MSLN: variants seen among roughly 807,000 people sequenced by gnomAD.
MSLN encodes mesothelin, also known as CAK1 antigen.
MSLN carries 82 observed loss-of-function variants against 72.6 expected under a neutral mutation model. The ratio of observed to expected loss-of-function variants is 1.13; its 90% CI spans 0.94 to 1.36. The LOEUF is 1.36. Among genes scored for constraint, MSLN ranks in the 40% most tolerant of loss-of-function variants. The pLI, the probability that MSLN is intolerant of heterozygous loss-of-function variation, is 0.00. For missense variants in MSLN, 1,005 were observed against 847.9 expected, an observed-to-expected ratio of 1.19 and a Z score of -2.30; for synonymous variants, 456 against 387.3, an observed-to-expected ratio of 1.18 and a Z score of -2.08.
At chr16:762,959 A>T (rs138591602) in intron 3 of MSLN, among the ~76,000 whole-genome samples, 194 bp downstream of exon 3, 6 of 152,254 alleles carry the variant, frequency 3.9e-5, no homozygotes, top group African/African-American at 1.4e-4. Context: ...CTCAGGACAC[A>T]GTGGGGATGT....
chr16:768,523 G>C lies in MSLN; in HGVS notation c.1741G>C (p.Gly581Arg). The stretch of plus-strand genomic sequence containing the variant: ...CACGCTGGGGCTGGGGCTACAGGGC[G>C]GCATCCCCAACGGCTACCTGGTCCT... ...LDTLGLGLQG[G>R]IPNGYLVLDL... The change falls in exon 17 of 18, where the codon GGC becomes CGC. Residue 581 changes from glycine (G) to arginine (R), a missense_variant. Coordinates refer to ENST00000545450, the MANE Select transcript of MSLN (RefSeq NM_005823.6). 1 of 1,599,868 alleles carries C rather than the reference G, an allele frequency of 6.3e-7. No individual in the cohort carries two copies.
Position 764,005 on chromosome 16 carries a change from G to C in MSLN, c.180-18G>C, listed in dbSNP as rs773192261. 1.3e-6 allele frequency: 2 copies of C among 1,595,682 alleles called. No individual in the cohort carries two copies. Among genetic ancestry groups the C allele is most frequent in the East Asian group, 2.2e-5 (1 of 44,736 alleles). ...GGGGAGGGGCGATCGTGGGTGCCCA[G>C]CCCGACCCTTCCTGCAGCCTCTCCC... On this transcript the variant is annotated intron_variant, in intron 5 of 17. Coordinates refer to ENST00000545450, the MANE Select transcript of MSLN (RefSeq NM_005823.6).
At position 768,455 on chromosome 16, in the gene MSLN, C is replaced by T. The variant is rs151258256; in HGVS notation, c.1673C>T (p.Pro558Leu). 78 of 1,541,582 alleles carry T rather than the reference C, an allele frequency of 5.1e-5. No homozygotes were observed. Among genetic ancestry groups the T allele is most frequent in the African/African-American group, 3.2e-4 (23 of 72,854 alleles). The change falls in exon 17 of 18, where the codon CCG becomes CTG. Residue 558 changes from proline (P) to leucine (L), a missense_variant. Transcript: ENST00000545450. ...CTGAAGGCGGAGGAGCGGCACCGCC[C>T]GGTGCGGGACTGGATCCTACGGCAG... The part of the protein sequence containing the change: ...EGLKAEERHR[P>L]VRDWILRQRQ...
Position 765,116 on chromosome 16 carries a change from C to CG in MSLN, c.522dup (p.Ser175ValfsTer7). On this transcript the variant is annotated frameshift_variant, in exon 9 of 18. Transcript: ENST00000545450. LOFTEE classifies it high-confidence loss of function. The stretch of plus-strand genomic sequence containing the variant: ...GAGGCCAGCCTCTCTGCAGGGTGTG[C>CG]GGGGGTCTCTGCTGAGCGAGGCTGA... 2 of 1,604,158 alleles carry CG rather than the reference C, an allele frequency of 1.2e-6. No homozygotes were observed. Among genetic ancestry groups the CG allele is most frequent in the South Asian group, 1.1e-5 (1 of 90,552 alleles).
chr16:761,982 T>A (rs1041870292), intron 2 of MSLN, among the ~76,000 whole-genome samples: 3 of 152,188 alleles, frequency 2.0e-5, no homozygotes, highest in Non-Finnish European at 2.9e-5. Flanking sequence ...CAATTCTTGT[T>A]CAGGGAGGGT....
intron 4 of MSLN, 69 bp downstream of exon 4, chr16:763,345 C>G: frequency 1.5e-6 from 2 of 1,292,612 alleles, no homozygotes; most frequent in Non-Finnish European, 2.2e-6. Context: ...GCTGTGTTCT[C>G]TCTGTCACGT....
Position 768,372 on chromosome 16 carries a change from C to G in MSLN, c.1597-7C>G, listed in dbSNP as rs373569076. On this transcript the variant is annotated splice_polypyrimidine_tract_variant and splice_region_variant and intron_variant, in intron 16 of 17. Coordinates refer to ENST00000545450, the MANE Select transcript of MSLN (RefSeq NM_005823.6). ...CCTCCTTGATGGCTGCCCGGGGTCTCTGGCAGCCGTTGACTGTGGCTGAGG... is the reference window on the plus strand; with the variant it reads ...CCTCCTTGATGGCTGCCCGGGGTCTGTGGCAGCCGTTGACTGTGGCTGAGG... 4.0e-6 allele frequency: 6 copies of G among 1,502,726 alleles called. No individual in the cohort carries two copies. Among genetic ancestry groups the G allele is most frequent in the Non-Finnish European group, 5.3e-6 (6 of 1,124,514 alleles). The allele number at this position is 1,502,726 out of a possible 1,614,324, so 93.1% of individuals were successfully genotyped here.
At position 762,728 on chromosome 16, in the gene MSLN, CG is replaced by C. The variant is rs1401118788; in HGVS notation, c.49del (p.Ala17ProfsTer61). 6.2e-7 allele frequency: 1 copy of C among 1,604,556 alleles called. No individual in the cohort carries two copies. Among genetic ancestry groups the C allele is most frequent in the African/African-American group, 1.3e-5 (1 of 74,506 alleles). On this transcript the variant is annotated frameshift_variant, in exon 3 of 18. Coordinates refer to ENST00000545450, the MANE Select transcript of MSLN (RefSeq NM_005823.6). LOFTEE classifies it high-confidence loss of function. The stretch of plus-strand genomic sequence containing the variant: ...CCCTGTTGGGGTCCTGTGGGACCCC[CG>C]CCCTCGGCAGCCTCCTGTTCCTGCT... ...RPLLGSCGTP[A>X]LGSLLFLLFS...
Position 764,133 on chromosome 16 carries a change from C to T in MSLN, c.290C>T (p.Ser97Leu), listed in dbSNP as rs1253050026. The change falls in exon 6 of 18, where the codon TCA (serine) becomes TTA (leucine). Residue 97 changes from serine to leucine, a missense_variant. Transcript: ENST00000545450. Reference sequence around the variant, plus strand: ...TTGGCACAGAAGAATGTCAAGCTCTCAACAGAGCAGGTCAGTCTCAGTTGG... The same window carrying T: ...TTGGCACAGAAGAATGTCAAGCTCTTAACAGAGCAGGTCAGTCTCAGTTGG... The part of the protein sequence containing the change: ...VALAQKNVKL[S>L]TEQLRCLAHR... The T allele has an allele frequency of 1.2e-6, 2 of 1,604,582 alleles. No individual in the cohort carries two copies. The highest frequency in any genetic ancestry group is 1.7e-5 in the Admixed American group (1 of 60,002).
Position 763,244 on chromosome 16 carries a change from C to A in MSLN, c.97C>A (p.Pro33Thr), listed in dbSNP as rs1466294207. Reference sequence around the variant, plus strand: ...CTCTGCCCCTTTAGGATGGGTGCAGCCCTCGAGGACCCTGGCTGGAGAGAC... The same window carrying A: ...CTCTGCCCCTTTAGGATGGGTGCAGACCTCGAGGACCCTGGCTGGAGAGAC... Reference protein sequence around the residue: ...FLLFSLGWVQPSRTLAGETGQ... With the variant: ...FLLFSLGWVQTSRTLAGETGQ... Residue 33 changes from proline to threonine, a missense_variant, in exon 4 of 18, where the codon CCC becomes ACC. Pro to Thr is a conservative substitution (Grantham distance 38, BLOSUM62 -1). Coordinates refer to ENST00000545450, the MANE Select transcript of MSLN (RefSeq NM_005823.6). The A allele has an allele frequency of 6.5e-7, 1 of 1,542,740 alleles. No homozygotes were observed. Among genetic ancestry groups the A allele is most frequent in the South Asian group, 1.2e-5 (1 of 82,840 alleles).
At chr16:761,334 A>G (rs1233272498) in intron 2 of MSLN, among the ~76,000 whole-genome samples, 160 bp downstream of exon 2, 3 of 152,322 alleles carry the variant, frequency 2.0e-5, no homozygotes, top group African/African-American at 7.2e-5. Flanking sequence ...ACGCAGACCC[A>G]TTTGTTTGGA....
In MSLN at chr16:767,394, AT is replaced by A. The variant is rs1567359493; in HGVS notation, c.1523del (p.Leu508Ter). On this transcript the variant is annotated frameshift_variant, in exon 16 of 18. Transcript: ENST00000545450. LOFTEE classifies it high-confidence loss of function. Reference protein sequence around the residue: ...QSFLGGAPTEDLKALSQQNVS... With the variant: ...QSFLGGAPTEXLKALSQQNVS... ...CGGGCAGGTGGGGCCCCCACGGAGG[AT>A]TTGAAGGCGCTCAGTCAGCAGAATG... 1 of 1,607,572 alleles carries A rather than the reference AT, an allele frequency of 6.2e-7. No homozygotes were observed. The highest frequency in any genetic ancestry group is 8.5e-7 in the Non-Finnish European group (1 of 1,177,656).
At chr16:763,604 C>G (rs2041563505) in intron 4 of MSLN, 38 bp from the exon 5 acceptor site, 2 of 1,562,472 alleles carry the variant, frequency 1.3e-6, no homozygotes, top group African/African-American at 1.4e-5. Flanking sequence ...CTCCAGAGAG[C>G]TGGTCTGAGC....
chr16:765,932 T>C, intron 11 of MSLN, 127 bp from the exon 12 acceptor site: 1 of 1,316,754 alleles, frequency 7.6e-7, no homozygotes, highest in South Asian at 1.4e-5. Flanking sequence ...AATCCCTGTT[T>C]GCCAGTGGGT....
At chr16:765,818 C>T (rs760358485) in intron 11 of MSLN, 28 bp downstream of exon 11, 49 of 1,582,214 alleles carry the variant, frequency 3.1e-5, no homozygotes, top group Non-Finnish European at 3.9e-5. Context: ...CGCAGTCTGG[C>T]ACCAGGCTGG....
Position 765,660 on chromosome 16 carries a change from G to A in MSLN, c.796-31G>A, listed in dbSNP as rs368498149. On this transcript the variant is annotated intron_variant, in intron 10 of 17. Transcript: ENST00000545450. ...AGCCCGTGGGGATGCCCGGCCACCC[G>A]AGGCTCAGCCCAGGTCCTGCTCGTC... 7.3e-5 allele frequency: 117 copies of A among 1,598,670 alleles called. 2 individuals carry two copies. The African/African-American group carries it at 8.7e-4, about 12-fold the overall frequency.
At chr16:761,780 C>T (rs955923357) in intron 2 of MSLN, among the ~76,000 whole-genome samples, 3 of 152,232 alleles carry the variant, frequency 2.0e-5, no homozygotes, top group African/African-American at 7.2e-5. Flanking sequence ...ACCAGGCAGG[C>T]TCTGCCTGTG....
rs141731036 is a variant in MSLN, at chr16:764,085, G to A, written c.242G>A (p.Arg81His). The A allele has an allele frequency of 2.7e-5, 44 of 1,606,552 alleles. No individual in the cohort carries two copies. The highest frequency in any genetic ancestry group is 1.7e-4 in the Middle Eastern group (1 of 6,054). The stretch of plus-strand genomic sequence containing the variant: ...GAGGTGTCCGGCCTGAGCACGGAGC[G>A]TGTCCGGGAGCTGGCTGTGGCCTTG... Reference protein sequence around the residue: ...CAEVSGLSTERVRELAVALAQ... With the variant: ...CAEVSGLSTEHVRELAVALAQ... The change falls in exon 6 of 18, where the codon CGT becomes CAT. Residue 81 changes from arginine to histidine, a missense_variant. Arg to His is a conservative substitution (Grantham distance 29, BLOSUM62 0). Coordinates refer to ENST00000545450, the MANE Select transcript of MSLN (RefSeq NM_005823.6).
At chr16:762,444 T>C in intron 2 of MSLN, 2 of 546,012 alleles carry the variant, frequency 3.7e-6, no homozygotes, top group Non-Finnish European at 6.5e-6. Flanking sequence ...CTGTCTGGGC[T>C]GGGGACCGGG....
Sources: gnomAD v4.1 joint callset for allele counts (sites outside exome capture counted in the v4.1 genomes callset) on GRCh38, gnomAD v4.1.1 for gene constraint, MANE v1.5 for transcripts, NCBI Gene and HGNC (gene_info 2026-07-23, HGNC 2026-07-21) for gene names.